Variants in RGS6 observed in about 807,000 individuals in gnomAD.
The protein encoded by RGS6 is regulator of G-protein signaling 6.
In RGS6, 30 loss-of-function variants were observed where a neutral mutation model predicts 78.5. The observed-to-expected ratio is 0.38, with a 90% CI of 0.29 to 0.52. RGS6 has a LOEUF of 0.52. Ranked by LOEUF, RGS6 falls within the 20% of genes least tolerant of loss-of-function variation. RGS6 has a pLI of 0.85. For missense variants in RGS6, 495 were observed against 609.7 expected (o/e 0.81, Z 1.98); for synonymous variants, 206 against 206.0 (o/e 1.00, Z 0.00).
the RGS6 span, among the ~76,000 whole-genome samples, chr14:72,600,822 G>C: frequency 1.3e-5 from 2 of 152,198 alleles, no homozygotes; most frequent in East Asian, 3.9e-4. Flanking sequence ...CAGCTTCCCA[G>C]CCTCTCCCCT....
At chr14:72,141,917 G>T (rs978407401) in intron 2 of RGS6, among the ~76,000 whole-genome samples, 1 of 149,768 alleles carries the variant, frequency 6.7e-6, no homozygotes, top group Non-Finnish European at 1.5e-5. Context: ...AAAACCCAAA[G>T]CACCTAGAAC....
intron 1 of RGS6, among the ~76,000 whole-genome samples, chr14:71,961,325 C>CT (rs1198809401): frequency 1.3e-5 from 2 of 152,114 alleles, no homozygotes; most frequent in African/African-American, 4.8e-5. Flanking sequence ...GGAAGGAACT[C>CT]TAAGGTTGCT....
At chr14:72,556,683 G>A (rs1237260155) in intron 17 of RGS6, among the ~76,000 whole-genome samples, 1 of 144,696 alleles carries the variant, frequency 6.9e-6, no homozygotes, top group Non-Finnish European at 1.5e-5. Context: ...GGTAGGGGTC[G>A]GGGGGGCGGG....
At chr14:71,964,316 G>A (rs2093385637) in intron 1 of RGS6, among the ~76,000 whole-genome samples, 1 of 152,200 alleles carries the variant, frequency 6.6e-6, no homozygotes, top group East Asian at 1.9e-4. Flanking sequence ...TGACCAGCCT[G>A]ACCAACATGG....
chr14:71,875,944 G>A, the RGS6 span, among the ~76,000 whole-genome samples: 5 of 152,162 alleles, frequency 3.3e-5, no homozygotes, highest in Non-Finnish European at 7.4e-5. Context: ...TTTCCATGTA[G>A]TTGAGCAGTT....
chr14:72,330,792 G>A (rs1166698524), intron 2 of RGS6, among the ~76,000 whole-genome samples: 1 of 152,060 alleles, frequency 6.6e-6, no homozygotes, highest in Non-Finnish European at 1.5e-5. Flanking sequence ...GTAACACTGG[G>A]ATGAGGGTTC....
At chr14:72,560,797 CGTGTGTGTGTGTGTGTGTGT>C (rs57504072) in intron 17 of RGS6, among the ~76,000 whole-genome samples, 61 of 141,324 alleles carry the variant, frequency 4.3e-4, no homozygotes, top group Admixed American at 2.5e-3. Flanking sequence ...ATTTTGTGGA[CGTGTGTGTGTGTGTGTGTGT>C]GTGTGTGTGT....
At chr14:72,213,221 G>A (rs1368153087) in intron 2 of RGS6, among the ~76,000 whole-genome samples, 1 of 152,028 alleles carries the variant, frequency 6.6e-6, no homozygotes, top group African/African-American at 2.4e-5. Context: ...ATTTCAAACT[G>A]GGAGCTATGA....
At chr14:72,377,282 C>CA (rs2152864874) in intron 3 of RGS6, among the ~76,000 whole-genome samples, 1 of 152,140 alleles carries the variant, frequency 6.6e-6, no homozygotes, top group South Asian at 2.1e-4. Context: ...CACTTCAAGA[C>CA]AAAAGCTACA....
intron 14 of RGS6, among the ~76,000 whole-genome samples, chr14:72,517,090 C>T (rs542134964): frequency 6.6e-6 from 1 of 151,362 alleles, no homozygotes; most frequent in South Asian, 2.1e-4. Context: ...GCACTTGGCT[C>T]CAAAGACATT....
intron 2 of RGS6, among the ~76,000 whole-genome samples, chr14:72,157,497 C>T (rs1421112061): frequency 6.6e-6 from 1 of 152,192 alleles, no homozygotes; most frequent in Non-Finnish European, 1.5e-5. Context: ...AATTTTCCTC[C>T]TTTTTCTGAG....
chr14:71,901,538 A>G, the RGS6 span, among the ~76,000 whole-genome samples: 5 of 152,192 alleles, frequency 3.3e-5, no homozygotes, highest in South Asian at 4.1e-4. Context: ...CTTCTTCCCA[A>G]TTAATATATT....
intron 2 of RGS6, among the ~76,000 whole-genome samples, chr14:72,257,044 G>C (rs1328854749): frequency 6.6e-6 from 1 of 152,218 alleles, no homozygotes; most frequent in Admixed American, 6.5e-5. Context: ...TTCTACTTCA[G>C]TGAGACTTTT....
chr14:72,175,049 A>G (rs185884920), intron 2 of RGS6, among the ~76,000 whole-genome samples: 9 of 152,336 alleles, frequency 5.9e-5, no homozygotes, highest in Non-Finnish European at 7.3e-5. Context: ...GCTGCTTCAC[A>G]TTGCAGTAGA....
At chr14:72,619,284 G>A in the RGS6 span, 4 of 1,535,934 alleles carry the variant, frequency 2.6e-6, no homozygotes, top group Non-Finnish European at 3.5e-6. Context: ...GTCACATTCT[G>A]TGACCTGGGG....
intron 2 of RGS6, among the ~76,000 whole-genome samples, chr14:72,260,794 G>C (rs1233483758): frequency 6.6e-6 from 1 of 152,198 alleles, no homozygotes; most frequent in Admixed American, 6.5e-5. Flanking sequence ...CCAACATACA[G>C]TATTTGATAG....
In RGS6 at chr14:72,536,831, G is replaced by A. The variant is rs546161917; in HGVS notation, c.1368+556G>A. On this transcript the variant is annotated intron_variant, in intron 16 of 17. Coordinates refer to ENST00000553525, the MANE Select transcript of RGS6 (RefSeq NM_001204424.2). Reference sequence around the variant, plus strand: ...CCTTCCTCTCCCGCACCTGCCCCACGGTGTTGCCTTTCTCTCTTAACCAAG... The same window carrying A: ...CCTTCCTCTCCCGCACCTGCCCCACAGTGTTGCCTTTCTCTCTTAACCAAG... 5.9e-5 allele frequency among the ~76,000 whole-genome samples: 9 copies of A among 152,150 alleles called. No homozygotes were observed. In the East Asian group the frequency reaches 9.7e-4, roughly 16 times the overall value.
intron 2 of RGS6, among the ~76,000 whole-genome samples, chr14:72,207,150 A>G (rs927218514): frequency 2.6e-5 from 4 of 152,198 alleles, no homozygotes; most frequent in Non-Finnish European, 5.9e-5. Context: ...CCCAAATGTA[A>G]TTACTATTAA....
the RGS6 span, among the ~76,000 whole-genome samples, chr14:71,893,943 T>C: frequency 6.6e-6 from 1 of 152,162 alleles, no homozygotes; most frequent in South Asian, 2.1e-4. Context: ...AAATCAGACT[T>C]AGGAGGGGTC....
Sources: gnomAD v4.1 joint callset for allele counts (sites outside exome capture counted in the v4.1 genomes callset) on GRCh38, gnomAD v4.1.1 for gene constraint, MANE v1.5 for transcripts, NCBI Gene and HGNC (gene_info 2026-07-23, HGNC 2026-07-21) for gene names.